The following NID1 variants were observed in gnomAD, a reference collection of about 807,000 sequenced individuals.
The protein encoded by NID1 is nidogen-1.
Under a neutral mutation model 130.6 loss-of-function variants are expected in NID1, and 76 were observed. The ratio of observed to expected loss-of-function variants is 0.58; its 90% confidence interval spans 0.48 to 0.70. The LOEUF (loss-of-function observed/expected upper bound fraction) is 0.70. Among genes scored for constraint, NID1 ranks in the 30% least tolerant of loss-of-function variants. NID1 has a pLI of 0.00. For missense variants in NID1, 1,517 were observed against 1,664.8 expected, an observed-to-expected ratio of 0.91 and a Z score of 1.54; for synonymous variants, 665 against 675.1, an observed-to-expected ratio of 0.98 and a Z score of 0.23.
intron 13 of NID1, among the ~76,000 whole-genome samples, chr1:235,992,566 G>A (rs534934539): frequency 5.0e-4 from 76 of 152,306 alleles, no homozygotes; most frequent in African/African-American, 1.8e-3. Flanking sequence ...CCCCACGCAA[G>A]CCAGGATTCC....
intron 9 of NID1, among the ~76,000 whole-genome samples, chr1:236,019,658 C>T (rs911532409): frequency 6.6e-6 from 1 of 152,182 alleles, no homozygotes; most frequent in Non-Finnish European, 1.5e-5. Flanking sequence ...AGACAACACC[C>T]TTTCTTAAGG....
chr1:236,045,802 CT>C, intron 2 of NID1, 119 bp from the exon 3 acceptor site: 1 of 760,526 alleles, frequency 1.3e-6, no homozygotes, highest in South Asian at 2.0e-5. Flanking sequence ...ATATTCTCAC[CT>C]TATTCTAAAA....
In NID1 at chr1:236,020,058, A is replaced by C. The variant is rs921381626; in HGVS notation, c.2129-2785T>G. Among the ~76,000 whole-genome samples the C allele has an allele frequency of 1.2e-4, 15 of 126,030 alleles. No homozygotes were observed. In the East Asian group the frequency reaches 3.8e-3, roughly 32 times the overall value. 82.7% of individuals were successfully genotyped at this position (126,030 alleles called of 152,430 possible). ...CCTTAAAAAAAAAAAAAAAAAAAAA[A>C]CAAAAACAAACTTCTTTTCTATAAA... On this transcript the variant is annotated intron_variant, in intron 9 of 19. Coordinates refer to ENST00000264187, the MANE Select transcript of NID1 (RefSeq NM_002508.3).
Position 236,048,909 on chromosome 1 carries a change from A to T in NID1, c.306T>A (p.Gly102=), listed in dbSNP as rs928736608. Residue 102 remains glycine (G), a synonymous_variant, in exon 2 of 20, where the codon GGT becomes GGA. Coordinates refer to ENST00000264187, the MANE Select transcript of NID1 (RefSeq NM_002508.3). ...AGTCCGCCAGGAAAGGGGCGACTGCACCGAATGTTGGTGGGAAGAGCCCGG... is the reference window on the plus strand; with the variant it reads ...AGTCCGCCAGGAAAGGGGCGACTGCTCCGAATGTTGGTGGGAAGAGCCCGG... ...SHPGLFPPTF[G]AVAPFLADLD... 2.5e-6 allele frequency: 4 copies of T among 1,613,910 alleles called. No homozygotes were observed. The African/African-American group carries it at 5.3e-5, about 22-fold the overall frequency.
chr1:236,007,124 A>T (rs1039733220), intron 12 of NID1, among the ~76,000 whole-genome samples: 22 of 152,178 alleles, frequency 1.4e-4, no homozygotes, highest in African/African-American at 5.3e-4. Context: ...CCCAGGCTCA[A>T]GTGATGCTCT....
chr1:235,994,130 GAAAT>G (rs957088836), intron 12 of NID1, among the ~76,000 whole-genome samples: 5 of 152,188 alleles, frequency 3.3e-5, no homozygotes, highest in African/African-American at 1.2e-4. Flanking sequence ...GAGGCAAAAA[GAAAT>G]GAAGCAAATT....
At chr1:235,997,945 A>T (rs865843203) in intron 12 of NID1, among the ~76,000 whole-genome samples, 1 of 152,110 alleles carries the variant, frequency 6.6e-6, no homozygotes, top group Non-Finnish European at 1.5e-5. Flanking sequence ...TGTACATGTC[A>T]ATGATACAGA....
chr1:235,992,036 A>G (rs2102799965), intron 13 of NID1, among the ~76,000 whole-genome samples: 1 of 152,260 alleles, frequency 6.6e-6, no homozygotes, highest in Admixed American at 6.5e-5. Flanking sequence ...TTGATGAGAC[A>G]ATGTCCCAGG....
chr1:236,011,512 A>G (rs891930281), intron 12 of NID1, among the ~76,000 whole-genome samples: 1 of 152,168 alleles, frequency 6.6e-6, no homozygotes, highest in Non-Finnish European at 1.5e-5. Context: ...CATGTTGGCC[A>G]GGCTGATCTC....
In NID1 at chr1:236,022,004, T is replaced by C. The variant is rs1219448466; in HGVS notation, c.2128+2066A>G. ...GGCTCACTTTAATGAGCCTCAGTTT[T>C]CTTGTCTACAAGAAAAGAGCGTTGC... is the stretch of plus-strand genomic sequence containing the variant. On this transcript the variant is annotated intron_variant, in intron 9 of 19. Transcript: ENST00000264187. Among the ~76,000 whole-genome samples, 4 of 152,194 alleles carry C rather than the reference T, an allele frequency of 2.6e-5. No homozygotes were observed. In the East Asian group the frequency reaches 5.8e-4, roughly 22 times the overall value.
chr1:236,003,231 T>C lies in NID1; in HGVS notation c.2527+8690A>G, dbSNP rs528669157. 1.6e-4 allele frequency among the ~76,000 whole-genome samples: 24 copies of C among 152,132 alleles called. 2 individuals carry two copies. Among genetic ancestry groups the C allele is most frequent in the Non-Finnish European group, 2.9e-4 (20 of 68,022 alleles). ...TGAACGACCGGTAGTTATTCACTAC[T>C]AATTTCAAGTATTCCCTTTTCCTGC... On this transcript the variant is annotated intron_variant, in intron 12 of 19. Coordinates refer to ENST00000264187, the MANE Select transcript of NID1 (RefSeq NM_002508.3).
chr1:236,060,688 T>A (rs957896196), intron 1 of NID1: 15 of 151,736 alleles, frequency 9.9e-5, no homozygotes, highest in Non-Finnish European at 2.1e-4. Flanking sequence ...GCTTTTCCGA[T>A]GGTAGTGGGT....
chr1:236,017,490 A>T (rs1224717892), intron 9 of NID1, among the ~76,000 whole-genome samples: 2 of 151,674 alleles, frequency 1.3e-5, no homozygotes, highest in Non-Finnish European at 2.9e-5. Flanking sequence ...GGTTCAAGTG[A>T]TTCTCCTGCC....
At chr1:235,994,619 C>A (rs1657867518) in intron 12 of NID1, among the ~76,000 whole-genome samples, 2 of 152,124 alleles carry the variant, frequency 1.3e-5, no homozygotes, top group South Asian at 4.1e-4. Flanking sequence ...TGATGAACAT[C>A]ACTGGGTTTT....
rs7543297 is a variant in NID1 at position 236,052,108 on chromosome 1, A to T, written c.226-3119T>A. 5.2e-3 allele frequency among the ~76,000 whole-genome samples: 785 copies of T among 152,336 alleles called. 7 individuals are homozygous for T. The highest frequency in any genetic ancestry group is 0.015 in the African/African-American group (607 of 41,572). On this transcript the variant is annotated intron_variant, in intron 1 of 19. Coordinates refer to ENST00000264187, the MANE Select transcript of NID1 (RefSeq NM_002508.3). ...TAAATGTAATGTGCAGAACAGCCAG[A>T]AGTTTCACTGGATTCTTAGCTTTAA... is the stretch of plus-strand genomic sequence containing the variant.
At chr1:236,033,727 T>C (rs991330756) in intron 5 of NID1, among the ~76,000 whole-genome samples, 5 of 152,230 alleles carry the variant, frequency 3.3e-5, no homozygotes, top group African/African-American at 1.2e-4. Flanking sequence ...ATGATAAATG[T>C]TGGCATATAC....
chr1:236,045,529 C>T lies in NID1; in HGVS notation c.680G>A (p.Gly227Glu). 1.2e-6 allele frequency: 2 copies of T among 1,614,128 alleles called. No individual in the cohort carries two copies. Among genetic ancestry groups the T allele is most frequent in the Non-Finnish European group, 1.7e-6 (2 of 1,180,030 alleles). ...AGCTCCGTTGCTCTTCCATAAGAAT[C>T]CCACTGAACCTTGACTGAATGCAAC... ...AVVAFSQGSV[G>E]FLWKSNGAYN... The change falls in exon 3 of 20, where the codon GGA (glycine) becomes GAA (glutamate). Residue 227 changes from glycine to glutamate, a missense_variant. Gly to Glu is a moderately conservative substitution (Grantham distance 98). Around this residue, in one of 3 missense-constraint regions of NID1, gnomAD observed 1,329 missense variants for 1,429.2 expected, o/e 0.93. Coordinates refer to ENST00000264187, the MANE Select transcript of NID1 (RefSeq NM_002508.3).
At chr1:236,000,278 A>G (rs1658041444) in intron 12 of NID1, among the ~76,000 whole-genome samples, 1 of 152,194 alleles carries the variant, frequency 6.6e-6, no homozygotes, top group Non-Finnish European at 1.5e-5. Flanking sequence ...TTTAAGTCTG[A>G]TAAGAAACAT....
chr1:236,017,327 T>C (rs1658628847), intron 9 of NID1, 54 bp from the exon 10 acceptor site: 1 of 1,583,160 alleles, frequency 6.3e-7, no homozygotes, highest in African/African-American at 1.4e-5. Context: ...TCTTCAAACA[T>C]TACTGACTAT....
Sources: allele counts gnomAD v4.1 joint callset (sites outside exome capture counted in the v4.1 genomes callset), GRCh38; gene constraint gnomAD v4.1.1; regional missense constraint gnomAD v4.1.1; transcripts MANE v1.5; gene names NCBI Gene and HGNC (gene_info 2026-07-23, HGNC 2026-07-21).